Variants in ERBB4 observed in about 807,000 individuals in gnomAD.
ERBB4 encodes erb-b2 receptor tyrosine kinase 4.
Under a neutral mutation model 158.0 loss-of-function variants are expected in ERBB4, and 42 were observed. The ratio of observed to expected loss-of-function variants is 0.27; its 90% CI spans 0.21 to 0.34. The LOEUF (loss-of-function observed/expected upper bound fraction) is 0.34. Ranked by LOEUF, ERBB4 falls within the 10% of genes least tolerant of loss-of-function variation. The pLI is 1.00. For synonymous variants in ERBB4, 583 were observed against 558.7 expected (o/e 1.04, Z -0.61); for missense variants, 1,333 against 1,624.1 (o/e 0.82, Z 3.08).
intron 20 of ERBB4, among the ~76,000 whole-genome samples, chr2:211,490,980 C>T (rs929988154): frequency 1.3e-5 from 2 of 152,086 alleles, no homozygotes; most frequent in African/African-American, 4.8e-5. Flanking sequence ...GATGAGACTC[C>T]TCATTCTGAA....
chr2:211,806,938 A>G (rs1010059464), intron 3 of ERBB4, among the ~76,000 whole-genome samples: 6 of 152,194 alleles, frequency 3.9e-5, no homozygotes, highest in Non-Finnish European at 7.3e-5. Context: ...ATACTTTTAA[A>G]GATAGTATCT....
intron 1 of ERBB4, among the ~76,000 whole-genome samples, chr2:212,227,381 C>T (rs990020441): frequency 2.2e-4 from 33 of 152,220 alleles, no homozygotes; most frequent in Admixed American, 1.9e-3. Context: ...AGTCATGATT[C>T]CCACATCCCC....
intron 20 of ERBB4, among the ~76,000 whole-genome samples, chr2:211,560,728 T>C (rs1019797927): frequency 6.6e-6 from 1 of 152,040 alleles, no homozygotes; most frequent in African/African-American, 2.4e-5. Flanking sequence ...TCCTCACAGT[T>C]GCAGTTATTA....
chr2:212,138,002 G>T (rs1305290490), intron 1 of ERBB4, among the ~76,000 whole-genome samples: 2 of 151,982 alleles, frequency 1.3e-5, no homozygotes, highest in African/African-American at 4.8e-5. Context: ...ATCTGTAAAA[G>T]GAATAATAAA....
intron 7 of ERBB4, among the ~76,000 whole-genome samples, chr2:211,720,047 A>G (rs745850280): frequency 9.2e-5 from 14 of 152,186 alleles, no homozygotes; most frequent in Non-Finnish European, 1.9e-4. Context: ...GAAAAACAAA[A>G]TCTTGCATTC....
intron 1 of ERBB4, among the ~76,000 whole-genome samples, chr2:212,513,598 G>T (rs960893791): frequency 6.6e-6 from 1 of 152,132 alleles, no homozygotes; most frequent in African/African-American, 2.4e-5. Context: ...GGATCAAGAG[G>T]TCAGGAGATC....
intron 3 of ERBB4, among the ~76,000 whole-genome samples, chr2:211,930,608 T>C (rs2080148104): frequency 6.6e-6 from 1 of 152,074 alleles, no homozygotes; most frequent in South Asian, 2.1e-4. Context: ...GACCCAGCCG[T>C]GTTATAGCAA....
chr2:212,408,652 T>G (rs1336284298), intron 1 of ERBB4, among the ~76,000 whole-genome samples: 2 of 152,054 alleles, frequency 1.3e-5, no homozygotes, highest in African/African-American at 4.8e-5. Flanking sequence ...AGACTTCATC[T>G]CTTACAAAAA....
chr2:211,384,302 T>G (rs558307847), intron 27 of ERBB4, among the ~76,000 whole-genome samples: 2 of 152,196 alleles, frequency 1.3e-5, no homozygotes, highest in Non-Finnish European at 2.9e-5. Flanking sequence ...TTCTATCTCC[T>G]AAATTTTTCT....
intron 1 of ERBB4, among the ~76,000 whole-genome samples, chr2:212,292,855 T>C (rs1253727219): frequency 6.6e-6 from 1 of 152,088 alleles, no homozygotes; most frequent in Non-Finnish European, 1.5e-5. Flanking sequence ...TAAAAATGTA[T>C]CTAAAATTCA....
chr2:211,603,303 T>C (rs894229680), intron 19 of ERBB4, among the ~76,000 whole-genome samples: 19 of 152,072 alleles, frequency 1.2e-4, no homozygotes, highest in African/African-American at 3.9e-4. Context: ...GAGTAACTGA[T>C]AGATTTCCTG....
intron 1 of ERBB4, among the ~76,000 whole-genome samples, chr2:212,178,339 A>G (rs1559666959): frequency 6.6e-6 from 1 of 151,634 alleles, no homozygotes; most frequent in Admixed American, 6.6e-5. Flanking sequence ...GATTTCAGAC[A>G]AGAGATGATG....
At chr2:212,461,893 C>T (rs1207185351) in intron 1 of ERBB4, among the ~76,000 whole-genome samples, 1 of 152,170 alleles carries the variant, frequency 6.6e-6, no homozygotes, top group African/African-American at 2.4e-5. Flanking sequence ...TTCCTGTGCA[C>T]AAGCTCTCTC....
Position 212,531,147 on chromosome 2 carries a change from C to T in ERBB4, c.82+7302G>A, listed in dbSNP as rs549818174. Among the ~76,000 whole-genome samples, 5 of 152,186 alleles carry T rather than the reference C, an allele frequency of 3.3e-5. No homozygotes were observed. In the South Asian group the frequency reaches 6.2e-4, roughly 19 times the overall value. ...TCATGGTGTTTATGTTAATCTTTTA[C>T]GGGGGTCCACTTTCATCTCCAATTT... On this transcript the variant is annotated intron_variant, in intron 1 of 27. Coordinates refer to ENST00000342788, the MANE Select transcript of ERBB4 (RefSeq NM_005235.3).
intron 2 of ERBB4, among the ~76,000 whole-genome samples, chr2:211,960,109 G>A (rs2081141806): frequency 6.6e-6 from 1 of 152,086 alleles, no homozygotes; most frequent in Non-Finnish European, 1.5e-5. Context: ...CACCTAGATT[G>A]TGGTCTTAAA....
intron 2 of ERBB4, among the ~76,000 whole-genome samples, chr2:211,998,468 A>G (rs2076022723): frequency 6.6e-6 from 1 of 151,342 alleles, no homozygotes; most frequent in African/African-American, 2.4e-5. Flanking sequence ...TAAGTACACT[A>G]AAATTCAGAC....
At chr2:211,755,943 T>C (rs2075278652) in intron 4 of ERBB4, among the ~76,000 whole-genome samples, 1 of 152,246 alleles carries the variant, frequency 6.6e-6, no homozygotes, top group Non-Finnish European at 1.5e-5. Flanking sequence ...TGGATTTTTC[T>C]TTTACTCCTT....
chr2:212,036,613 C>T (rs1182946392), intron 2 of ERBB4, among the ~76,000 whole-genome samples: 3 of 151,790 alleles, frequency 2.0e-5, no homozygotes, highest in East Asian at 1.9e-4. Context: ...TACAGGTGCC[C>T]GCCACCACGC....
At chr2:212,204,217 G>A (rs1380298109) in intron 1 of ERBB4, among the ~76,000 whole-genome samples, 1 of 152,158 alleles carries the variant, frequency 6.6e-6, no homozygotes, top group Non-Finnish European at 1.5e-5. Context: ...TATCGCTAGA[G>A]TAAATTATTT....
Sources: allele counts gnomAD v4.1 joint callset (sites outside exome capture counted in the v4.1 genomes callset), GRCh38; gene constraint gnomAD v4.1.1; transcripts MANE v1.5; gene names NCBI Gene and HGNC (gene_info 2026-07-23, HGNC 2026-07-21).